PLXDC2: variants seen among roughly 807,000 people sequenced by gnomAD.
PLXDC2 encodes the protein plexin domain-containing protein 2.
PLXDC2 carries 40 observed loss-of-function variants against 68.9 expected under a neutral mutation model. That is an observed-to-expected ratio of 0.58 (90% CI 0.45 to 0.76). PLXDC2 has a LOEUF of 0.76. Among genes scored for constraint, PLXDC2 ranks in the 30% least tolerant of loss-of-function variants. The pLI, the probability that PLXDC2 is intolerant of heterozygous loss-of-function variation, is 0.00. For synonymous variants in PLXDC2, 243 were observed against 234.2 expected, an observed-to-expected ratio of 1.04 and a Z score of -0.34; for missense variants, 644 against 661.9, an observed-to-expected ratio of 0.97 and a Z score of 0.30.
rs188188500 is a variant in PLXDC2, at chr10:19,871,200, A to G, written c.112+54009A>G. On this transcript the variant is annotated intron_variant, in intron 1 of 13. Coordinates refer to ENST00000377252, the MANE Select transcript of PLXDC2 (RefSeq NM_032812.9). ...ACCATTTTTCTTCCTAAAGAACAGC[A>G]CCATTTTTTCTTCCTAAAGAATTAG... Among the ~76,000 whole-genome samples the G allele has an allele frequency of 7.3e-3, 1,106 of 152,310 alleles. 5 individuals are homozygous for G. The highest frequency in any genetic ancestry group is 0.019 in the South Asian group (91 of 4,832).
intron 2 of PLXDC2, among the ~76,000 whole-genome samples, chr10:20,006,487 A>G (rs1338132789): frequency 1.3e-5 from 2 of 152,212 alleles, no homozygotes; most frequent in African/African-American, 2.4e-5. Flanking sequence ...TGTGTATCAC[A>G]GTGAGACAAA....
chr10:20,004,325 C>T (rs998495526), intron 2 of PLXDC2, among the ~76,000 whole-genome samples: 1 of 152,200 alleles, frequency 6.6e-6, no homozygotes, highest in African/African-American at 2.4e-5. Context: ...GTTGATGTGT[C>T]AGGAGCAGAA....
chr10:20,059,290 G>T (rs1410258086), intron 3 of PLXDC2, among the ~76,000 whole-genome samples: 1 of 151,828 alleles, frequency 6.6e-6, no homozygotes, highest in Non-Finnish European at 1.5e-5. Flanking sequence ...TCTGAATTCT[G>T]CCTGAGTTGT....
At chr10:20,130,184 T>A (rs1833848553) in intron 4 of PLXDC2, among the ~76,000 whole-genome samples, 1 of 152,112 alleles carries the variant, frequency 6.6e-6, no homozygotes, top group Non-Finnish European at 1.5e-5. Flanking sequence ...GTGATTTCTT[T>A]AATTTTCTTT....
chr10:20,082,042 T>G (rs1836568768), intron 4 of PLXDC2, among the ~76,000 whole-genome samples: 3 of 43,068 alleles, frequency 7.0e-5, no homozygotes, highest in African/African-American at 1.0e-4. Context: ...TGAAACTCCA[T>G]CTGAAAAAAA....
intron 1 of PLXDC2, among the ~76,000 whole-genome samples, chr10:19,886,730 T>TCTCTCACCA (rs1319539901): frequency 6.6e-6 from 1 of 152,178 alleles, no homozygotes; most frequent in African/African-American, 2.4e-5. Context: ...AGGGATGCCC[T>TCTCTCACCA]CTCTCACCAC....
At chr10:19,828,545 A>G (rs1249633390) in intron 1 of PLXDC2, among the ~76,000 whole-genome samples, 2 of 152,020 alleles carry the variant, frequency 1.3e-5, no homozygotes, top group African/African-American at 4.8e-5. Flanking sequence ...AGCTTGTTTT[A>G]TTTCTTGGTT....
chr10:20,051,627 T>C (rs1170405969), intron 3 of PLXDC2, among the ~76,000 whole-genome samples: 4 of 151,910 alleles, frequency 2.6e-5, no homozygotes, highest in East Asian at 1.9e-4. Flanking sequence ...ATATGTTTCA[T>C]GCAAGGCTGA....
intron 1 of PLXDC2, among the ~76,000 whole-genome samples, chr10:19,945,732 A>C (rs563735932): frequency 6.6e-6 from 1 of 152,122 alleles, no homozygotes; most frequent in Non-Finnish European, 1.5e-5. Flanking sequence ...AGTCAGTTCA[A>C]TTGCCTCTGG....
intron 2 of PLXDC2, among the ~76,000 whole-genome samples, chr10:20,027,792 C>A (rs1176250115): frequency 6.6e-6 from 1 of 151,682 alleles, no homozygotes; most frequent in Non-Finnish European, 1.5e-5. Context: ...ATAGGTGCAA[C>A]CTGTGAAACA....
At chr10:20,083,311 T>TA (rs1484395706) in intron 4 of PLXDC2, among the ~76,000 whole-genome samples, 4 of 151,824 alleles carry the variant, frequency 2.6e-5, no homozygotes, top group African/African-American at 7.2e-5. Flanking sequence ...CCGTCTCTAC[T>TA]AAAAAAATAC....
chr10:19,951,572 C>G (rs1402404233), intron 1 of PLXDC2, among the ~76,000 whole-genome samples: 1 of 152,198 alleles, frequency 6.6e-6, no homozygotes, highest in Non-Finnish European at 1.5e-5. Flanking sequence ...GTTAGTTCAG[C>G]TATTGTGGGA....
At position 20,108,479 on chromosome 10, in the gene PLXDC2, G is replaced by A. The variant is rs567218375; in HGVS notation, c.542-34816G>A. 4.9e-4 allele frequency among the ~76,000 whole-genome samples: 75 copies of A among 152,152 alleles called. 3 individuals are homozygous for A. In the South Asian group the frequency reaches 0.011, roughly 22 times the overall value. Reference sequence around the variant, plus strand: ...GTTTATTTGTTTCTCTACCCTTTTCGCAATATCATCTGTACAGTAGACAGT... The same window carrying A: ...GTTTATTTGTTTCTCTACCCTTTTCACAATATCATCTGTACAGTAGACAGT... On this transcript the variant is annotated intron_variant, in intron 4 of 13. Coordinates refer to ENST00000377252, the MANE Select transcript of PLXDC2 (RefSeq NM_032812.9).
At chr10:19,826,321 C>G (rs531348062) in intron 1 of PLXDC2, among the ~76,000 whole-genome samples, 2 of 152,044 alleles carry the variant, frequency 1.3e-5, no homozygotes, top group African/African-American at 4.8e-5. Context: ...GAATATACAC[C>G]TTTGAATTTT....
chr10:20,061,755 T>C lies in PLXDC2; in HGVS notation c.472-6415T>C, dbSNP rs1446095160. Among the ~76,000 whole-genome samples, 3 of 152,230 alleles carry C rather than the reference T, an allele frequency of 2.0e-5. No individual in the cohort carries two copies. The East Asian group carries it at 5.8e-4, about 29-fold the overall frequency. ...TTAACACCTGCATATACAATACTTA[T>C]GATTATTTTAATATAACAAAAATGA... On this transcript the variant is annotated intron_variant, in intron 3 of 13. Transcript: ENST00000377252.
intron 13 of PLXDC2, among the ~76,000 whole-genome samples, chr10:20,277,059 A>C (rs1221299909): frequency 6.6e-6 from 1 of 151,824 alleles, no homozygotes; most frequent in Non-Finnish European, 1.5e-5. Flanking sequence ...AAATACAAAA[A>C]CTAGCCGTGT....
chr10:20,026,704 C>T (rs1294260421), intron 2 of PLXDC2, among the ~76,000 whole-genome samples: 1 of 151,848 alleles, frequency 6.6e-6, no homozygotes, highest in Non-Finnish European at 1.5e-5. Flanking sequence ...AATTTCTAAA[C>T]TGATGGATGC....
At chr10:20,062,720 A>G (rs768347685) in intron 3 of PLXDC2, among the ~76,000 whole-genome samples, 1 of 152,158 alleles carries the variant, frequency 6.6e-6, no homozygotes, top group African/African-American at 2.4e-5. Flanking sequence ...TGGACCTTAT[A>G]CAGTTTCAAT....
chr10:19,914,622 C>G (rs1833334038), intron 1 of PLXDC2, among the ~76,000 whole-genome samples: 1 of 152,156 alleles, frequency 6.6e-6, no homozygotes. Context: ...AAAACAAGAT[C>G]TTGGTACTTT....
Sources: allele counts gnomAD v4.1 joint callset (sites outside exome capture counted in the v4.1 genomes callset), GRCh38; gene constraint gnomAD v4.1.1; transcripts MANE v1.5; gene names NCBI Gene and HGNC (gene_info 2026-07-23, HGNC 2026-07-21).